Variants in POLI observed in about 807,000 individuals in gnomAD.
The protein encoded by POLI is RAD30 homolog B.
A neutral mutation model predicts 51.6 loss-of-function variants in POLI; 58 were observed. That is an observed-to-expected ratio of 1.12 (90% CI 0.91 to 1.40). POLI has a LOEUF of 1.40. Ranked by LOEUF, POLI falls within the 40% of genes most tolerant of loss-of-function variation. The pLI, the probability that POLI is intolerant of heterozygous loss-of-function variation, is 0.00. For synonymous variants in POLI, 322 were observed against 299.7 expected, an observed-to-expected ratio of 1.07 and a Z score of -0.77; for missense variants, 921 against 871.3, an observed-to-expected ratio of 1.06 and a Z score of -0.72.
intron 3 of POLI, among the ~76,000 whole-genome samples, chr18:54,317,233 C>T (rs1188244704): frequency 2.0e-5 from 3 of 152,154 alleles, no homozygotes; most frequent in Non-Finnish European, 4.4e-5. Flanking sequence ...AGAGCTAAGT[C>T]GCCCCAGTTA....
At chr18:54,283,702 A>G (rs963021541) in intron 6 of POLI, 14 of 277,672 alleles carry the variant, frequency 5.0e-5, no homozygotes, top group Non-Finnish European at 8.8e-5. Context: ...ACTGTTTTAT[A>G]TTAACTGTTA....
chr18:54,286,530 A>T (rs1188618481), intron 7 of POLI, among the ~76,000 whole-genome samples: 1 of 152,088 alleles, frequency 6.6e-6, no homozygotes, highest in African/African-American at 2.4e-5. Context: ...TTGTAAAAAA[A>T]AATCTTTTTT....
chr18:54,298,099 A>G lies in POLI; in HGVS notation c.*3632A>G. The G allele has an allele frequency of 1.0e-6, 1 of 952,504 alleles. No individual in the cohort carries two copies. The highest frequency in any genetic ancestry group is 1.3e-6 in the Non-Finnish European group (1 of 799,984). 59.0% of individuals were successfully genotyped at this position (952,504 alleles called of 1,614,324 possible). On this transcript the variant is annotated 3_prime_UTR_variant, in exon 10 of 10. Transcript: ENST00000579534. Reference sequence around the variant, plus strand: ...GATTTGTGTCTTCCATCAAATCTGGATTGTTTTCAATATTAAAAAAACTTC... The same window carrying G: ...GATTTGTGTCTTCCATCAAATCTGGGTTGTTTTCAATATTAAAAAAACTTC...
At chr18:54,271,057 T>TA (rs2086982546) in intron 1 of POLI, 1 of 195,872 alleles carries the variant, frequency 5.1e-6, no homozygotes. Context: ...TAAGAGCTAC[T>TA]ATAAACTTCC....
Position 54,297,013 on chromosome 18 carries a change from G to A in POLI, c.*2546G>A, listed in dbSNP as rs1332372391. ...CCTAAATTGTGTATGTTTTCCTTCA[G>A]TATGATTTGAGTTCGTTGCTTCTCT... On this transcript the variant is annotated 3_prime_UTR_variant, in exon 10 of 10. Coordinates refer to ENST00000579534, the MANE Select transcript of POLI (RefSeq NM_007195.3). The A allele has an allele frequency of 2.0e-6, 2 of 985,238 alleles. No homozygotes were observed. Among genetic ancestry groups the A allele is most frequent in the African/African-American group, 3.5e-5 (2 of 57,206 alleles). 61.0% of individuals were successfully genotyped at this position (985,238 alleles called of 1,614,324 possible).
upstream of POLI, chr18:54,269,487 G>T (rs956386442): frequency 2.7e-6 from 4 of 1,486,622 alleles, no homozygotes; most frequent in African/African-American, 3.0e-5. Context: ...GTAGTCCCCC[G>T]GTTTCCCTGG....
chr18:54,296,314 A>T lies in POLI; in HGVS notation c.*1847A>T, dbSNP rs978047842. ...AGTTAAAAATACATTTCATAGATTGAGAATGTACGGGCTATGTCACAGTTA... is the reference window on the plus strand; with the variant it reads ...AGTTAAAAATACATTTCATAGATTGTGAATGTACGGGCTATGTCACAGTTA... On this transcript the variant is annotated 3_prime_UTR_variant, in exon 10 of 10. Transcript: ENST00000579534. 12 of 984,672 alleles carry T rather than the reference A, an allele frequency of 1.2e-5. No homozygotes were observed. Among genetic ancestry groups the T allele is most frequent in the Non-Finnish European group, 1.3e-5 (11 of 829,368 alleles). 61.0% of individuals were successfully genotyped at this position (984,672 alleles called of 1,614,324 possible).
chr18:54,277,631 A>G, intron 3 of POLI, 72 bp from the exon 4 acceptor site: 1 of 857,296 alleles, frequency 1.2e-6, no homozygotes, highest in Non-Finnish European at 1.8e-6. Flanking sequence ...TAAATTTTTA[A>G]GCACTAGATA....
At chr18:54,306,808 T>G (rs2088594031) in intron 3 of POLI, among the ~76,000 whole-genome samples, 1 of 152,210 alleles carries the variant, frequency 6.6e-6, no homozygotes, top group Non-Finnish European at 1.5e-5. Context: ...CTTGGGAGGA[T>G]GTATGTGTCC....
intron 6 of POLI, among the ~76,000 whole-genome samples, chr18:54,283,374 T>C (rs556856027): frequency 1.3e-5 from 2 of 152,298 alleles, no homozygotes; most frequent in African/African-American, 4.8e-5. Context: ...TAACATTGAC[T>C]GATTTTTTTG....
intron 3 of POLI, among the ~76,000 whole-genome samples, chr18:54,318,627 AT>A (rs940690139): frequency 5.3e-5 from 8 of 152,008 alleles, no homozygotes; most frequent in Non-Finnish European, 1.0e-4. Flanking sequence ...TTTTCTGATG[AT>A]TTTTTTCATT....
rs769727985 is a variant in POLI at position 54,291,980 on chromosome 18, T to C, written c.1346T>C (p.Ile449Thr). The change falls in exon 9 of 10, where the codon ATT becomes ACT. Residue 449 changes from isoleucine (I) to threonine (T), a missense_variant. Coordinates refer to ENST00000579534, the MANE Select transcript of POLI (RefSeq NM_007195.3). ...KALNTAKKGL[I>T]DYYLMPSLST... ...CTAAATACTGCTAAGAAAGGGCTTA[T>C]TGATTATTATTTAATGCCATCATTA... 1.2e-6 allele frequency: 2 copies of C among 1,611,436 alleles called. No individual in the cohort carries two copies. Among genetic ancestry groups the C allele is most frequent in the African/African-American group, 1.3e-5 (1 of 74,824 alleles).
rs1490628043 is a variant in POLI, at chr18:54,295,028, G to A, written c.*561G>A. On this transcript the variant is annotated 3_prime_UTR_variant, in exon 10 of 10. Coordinates refer to ENST00000579534, the MANE Select transcript of POLI (RefSeq NM_007195.3). ...CACCAAGAATCTACCACAATACACA[G>A]CACACAAAGGCCGTTCAATAAACAT... 25 of 985,028 alleles carry A rather than the reference G, an allele frequency of 2.5e-5. No individual in the cohort carries two copies. The highest frequency in any genetic ancestry group is 3.5e-5 in the African/African-American group (2 of 57,212). 61.0% of individuals were successfully genotyped at this position (985,028 alleles called of 1,614,324 possible). A position where few individuals can be genotyped will look rare whatever the true frequency, so the allele number is the denominator to read the frequency against.
Position 54,311,389 on chromosome 18 carries a change from AT to A in POLI, c.334-8882del, listed in dbSNP as rs201922213. Among the ~76,000 whole-genome samples the A allele has an allele frequency of 8.7e-3, 1,332 of 152,288 alleles. 13 individuals are homozygous for A. The highest frequency in any genetic ancestry group is 0.03 in the African/African-American group (1,263 of 41,558). ...GCTTCTGCTTCACTAAGAAAGTACT[AT>A]TGAATTACTATTGAAATTACTATTG... On this transcript the variant is annotated intron_variant, in intron 3 of 4. Transcript: ENST00000579823.
intron 3 of POLI, 25 bp from the exon 4 acceptor site, chr18:54,277,678 G>A: frequency 6.8e-7 from 1 of 1,468,304 alleles, no homozygotes; most frequent in Non-Finnish European, 9.4e-7. Flanking sequence ...ATTTACATTT[G>A]TGCTCCAATA....
chr18:54,287,754 G>T (rs546922661), intron 8 of POLI: 57 of 161,444 alleles, frequency 3.5e-4, no homozygotes, highest in Non-Finnish European at 6.2e-4. Context: ...TAACTTTTTT[G>T]ATATTTAGGA....
intron 8 of POLI, 85 bp from the exon 9 acceptor site, chr18:54,291,748 A>AT (rs2088020627): frequency 1.6e-6 from 1 of 641,316 alleles, no homozygotes; most frequent in Admixed American, 3.1e-5. Flanking sequence ...GATATTTAGG[A>AT]TTTTAATTTC....
rs1314727733 is a variant in POLI at position 54,297,516 on chromosome 18, T to A, written c.*3049T>A. 1.0e-6 allele frequency: 1 copy of A among 981,342 alleles called. No individual in the cohort carries two copies. Among genetic ancestry groups the A allele is most frequent in the Non-Finnish European group, 1.2e-6 (1 of 826,348 alleles). The allele number at this position is 981,342 out of a possible 1,614,324, so 60.8% of individuals were successfully genotyped here. On this transcript the variant is annotated 3_prime_UTR_variant, in exon 10 of 10. Coordinates refer to ENST00000579534, the MANE Select transcript of POLI (RefSeq NM_007195.3). ...CTAAAAAGTATCTATTCCACTGTAG[T>A]GCCAAAGTACAAATTTATTTGGATT...
Position 54,311,547 on chromosome 18 carries a change from A to G in POLI, c.334-8726A>G, listed in dbSNP as rs182367810. Among the ~76,000 whole-genome samples the G allele has an allele frequency of 3.2e-4, 49 of 152,354 alleles. No homozygotes were observed. In the East Asian group the frequency reaches 8.1e-3, roughly 25 times the overall value. Reference sequence around the variant, plus strand: ...ATCTAAACCAAACCTATGTAGATACATGTATACTGAGACAGAACAATTTGT... The same window carrying G: ...ATCTAAACCAAACCTATGTAGATACGTGTATACTGAGACAGAACAATTTGT... On this transcript the variant is annotated intron_variant, in intron 3 of 4. Coordinates refer to the POLI transcript ENST00000579823.
Sources: gnomAD v4.1 joint callset for allele counts (sites outside exome capture counted in the v4.1 genomes callset) on GRCh38, gnomAD v4.1.1 for gene constraint, MANE v1.5 for transcripts, NCBI Gene and HGNC (gene_info 2026-07-23, HGNC 2026-07-21) for gene names.